The following PPP1R9A variants were observed in gnomAD, a reference collection of about 807,000 sequenced individuals.
PPP1R9A encodes protein phosphatase 1 regulatory subunit 9A.
In PPP1R9A, 59 loss-of-function variants were observed where a neutral mutation model predicts 141.9. That is an observed-to-expected ratio of 0.42 (90% CI 0.34 to 0.52). The LOEUF (loss-of-function observed/expected upper bound fraction) is 0.52. PPP1R9A is among the 20% of genes least tolerant of loss of function. The pLI, the probability that PPP1R9A is intolerant of heterozygous loss-of-function variation, is 0.10. For synonymous variants in PPP1R9A, 500 were observed against 569.7 expected (o/e 0.88, Z 1.74); for missense variants, 1,444 against 1,611.9 (o/e 0.90, Z 1.78).
intron 2 of PPP1R9A, among the ~76,000 whole-genome samples, chr7:95,069,219 G>A (rs1813417231): frequency 6.6e-6 from 1 of 152,188 alleles, no homozygotes; most frequent in South Asian, 2.1e-4. Flanking sequence ...GAGGAGGATA[G>A]TGTGTGTATG....
chr7:95,196,713 C>T (rs962457140), intron 5 of PPP1R9A, among the ~76,000 whole-genome samples: 1 of 152,174 alleles, frequency 6.6e-6, no homozygotes, highest in African/African-American at 2.4e-5. Flanking sequence ...CTCTAAAATT[C>T]CATTTTTATA....
intron 7 of PPP1R9A, among the ~76,000 whole-genome samples, chr7:95,207,567 G>T (rs553688026): frequency 6.6e-6 from 1 of 152,178 alleles, no homozygotes; most frequent in Non-Finnish European, 1.5e-5. Flanking sequence ...GCTAGGTTGG[G>T]TTTAGCCAGG....
chr7:94,964,312 T>G (rs947335657), intron 2 of PPP1R9A, among the ~76,000 whole-genome samples: 1 of 151,928 alleles, frequency 6.6e-6, no homozygotes, highest in South Asian at 2.1e-4. Context: ...TATCTGGGAG[T>G]GTATGGTTAA....
intron 12 of PPP1R9A, among the ~76,000 whole-genome samples, chr7:95,254,473 C>G (rs796238994): frequency 2.0e-5 from 3 of 152,114 alleles, no homozygotes; most frequent in South Asian, 4.1e-4. Context: ...AATCCATCAC[C>G]AACGTTTTGT....
At chr7:94,915,362 T>C (rs1438875237) in intron 2 of PPP1R9A, among the ~76,000 whole-genome samples, 1 of 152,202 alleles carries the variant, frequency 6.6e-6, no homozygotes, top group Non-Finnish European at 1.5e-5. Flanking sequence ...CTTTTTGTCT[T>C]TGCGGAGGCT....
At chr7:95,162,324 A>G (rs1585021826) in intron 5 of PPP1R9A, among the ~76,000 whole-genome samples, 1 of 152,216 alleles carries the variant, frequency 6.6e-6, no homozygotes, top group East Asian at 1.9e-4. Context: ...AAATGATTAT[A>G]CATATATTCA....
intron 2 of PPP1R9A, among the ~76,000 whole-genome samples, chr7:95,038,806 G>T (rs1808809981): frequency 1.3e-5 from 2 of 152,052 alleles, no homozygotes; most frequent in South Asian, 4.1e-4. Context: ...TATCACACTG[G>T]CACGTCTCCA....
At chr7:95,183,145 C>CT (rs111837644) in intron 5 of PPP1R9A, among the ~76,000 whole-genome samples, 2,333 of 147,512 alleles carry the variant, frequency 0.016, 62 homozygotes, top group African/African-American at 0.05. Context: ...AATACTCTTT[C>CT]TTTTTTTTTT....
intron 2 of PPP1R9A, among the ~76,000 whole-genome samples, chr7:94,979,604 A>G (rs1799851046): frequency 6.6e-6 from 1 of 152,230 alleles, no homozygotes; most frequent in Admixed American, 6.5e-5. Context: ...GTAATCTGTT[A>G]TTATCAAGGT....
At chr7:95,080,097 G>C (rs1012075439) in intron 2 of PPP1R9A, among the ~76,000 whole-genome samples, 4 of 152,128 alleles carry the variant, frequency 2.6e-5, no homozygotes, top group African/African-American at 9.7e-5. Context: ...GGGCAATTAG[G>C]CAGGAGAAGG....
chr7:95,065,366 C>T (rs925896569), intron 2 of PPP1R9A, among the ~76,000 whole-genome samples: 1 of 151,866 alleles, frequency 6.6e-6, no homozygotes, highest in African/African-American at 2.4e-5. Flanking sequence ...CACCTCGCCC[C>T]AAGTTGCTTT....
intron 2 of PPP1R9A, among the ~76,000 whole-genome samples, chr7:94,912,844 C>T (rs950545199): frequency 6.6e-6 from 1 of 152,070 alleles, no homozygotes; most frequent in Non-Finnish European, 1.5e-5. Flanking sequence ...AAGTAAGTTT[C>T]TTTGCAGTGC....
At chr7:95,130,927 C>T (rs1276551755) in intron 4 of PPP1R9A, among the ~76,000 whole-genome samples, 1 of 152,184 alleles carries the variant, frequency 6.6e-6, no homozygotes, top group Admixed American at 6.5e-5. Context: ...TTTGATTTTA[C>T]AGGCTCATAG....
rs140696782 is a variant in PPP1R9A at position 95,198,481 on chromosome 7, C to T, written c.1887C>T (p.Asp629=). The change falls in exon 6 of 20, where the codon GAC becomes GAT. Residue 629 remains aspartate (D), a synonymous_variant. Transcript: ENST00000433360. ...QHYAQYDADD[D]ENTVAELQGM... ...ATGCCCAGTATGATGCCGACGATGA[C>T]GAGGTCAGTAGTGCTTGCAAAGATT... 8.4e-5 allele frequency: 134 copies of T among 1,586,332 alleles called. 1 individual carries two copies. Among genetic ancestry groups the T allele is most frequent in the Admixed American group, 2.8e-4 (15 of 53,506 alleles).
At chr7:94,964,349 T>A (rs1357228800) in intron 2 of PPP1R9A, among the ~76,000 whole-genome samples, 1 of 152,168 alleles carries the variant, frequency 6.6e-6, no homozygotes, top group East Asian at 1.9e-4. Context: ...TTTACTTTTT[T>A]AAATTTATAC....
intron 2 of PPP1R9A, among the ~76,000 whole-genome samples, chr7:94,954,868 T>G (rs1796913941): frequency 6.6e-6 from 1 of 150,796 alleles, no homozygotes. Flanking sequence ...TGTGTGTATA[T>G]GTATATGTCC....
rs1584743835 is a variant in PPP1R9A at position 95,111,174 on chromosome 7, T to C, written c.1396-85T>C. 7 of 1,335,126 alleles carry C rather than the reference T, an allele frequency of 5.2e-6. No individual in the cohort carries two copies. The East Asian group carries it at 1.4e-4, about 27-fold the overall frequency. 82.7% of individuals were successfully genotyped at this position (1,335,126 alleles called of 1,614,324 possible). On this transcript the variant is annotated intron_variant, in intron 2 of 19. Transcript: ENST00000433360. The stretch of plus-strand genomic sequence containing the variant: ...AGTTGTTTAGAAGAAATTCATCACA[T>C]GAATGTTTAAACTTACATAGTTTTG...
intron 2 of PPP1R9A, among the ~76,000 whole-genome samples, chr7:95,048,645 C>G (rs559747486): frequency 9.2e-5 from 14 of 151,944 alleles, no homozygotes; most frequent in Non-Finnish European, 1.8e-4. Flanking sequence ...TGGGTTCAAT[C>G]TATTCTCCTG....
At chr7:95,158,210 G>A (rs1829933379) in intron 4 of PPP1R9A, among the ~76,000 whole-genome samples, 1 of 152,066 alleles carries the variant, frequency 6.6e-6, no homozygotes, top group Non-Finnish European at 1.5e-5. Flanking sequence ...TTAACTCTGG[G>A]GGGGAAATGG....
Sources: allele counts gnomAD v4.1 joint callset (sites outside exome capture counted in the v4.1 genomes callset), GRCh38; gene constraint gnomAD v4.1.1; transcripts MANE v1.5; gene names NCBI Gene and HGNC (gene_info 2026-07-23, HGNC 2026-07-21).